Variants in IQGAP2 observed in about 807,000 individuals in gnomAD.
IQGAP2 encodes the protein ras GTPase-activating-like protein IQGAP2.
IQGAP2 carries 173 observed loss-of-function variants against 201.3 expected under a neutral mutation model. That is an observed-to-expected ratio of 0.86 (90% confidence interval 0.76 to 0.98). The LOEUF is 0.98. Among genes scored for constraint, IQGAP2 ranks in the 50% least tolerant of loss-of-function variants. IQGAP2 has a pLI of 0.00. For missense variants in IQGAP2, 1,687 were observed against 1,864.8 expected, an observed-to-expected ratio of 0.90 and a Z score of 1.76; for synonymous variants, 675 against 673.9, an observed-to-expected ratio of 1.00 and a Z score of -0.03.
intron 27 of IQGAP2, 122 bp downstream of exon 27, chr5:76,674,831 C>A: frequency 1.5e-6 from 1 of 688,694 alleles, no homozygotes; most frequent in Non-Finnish European, 2.5e-6. Context: ...ACAAGCATTT[C>A]TTCTACCAGC....
intron 2 of IQGAP2, among the ~76,000 whole-genome samples, chr5:76,546,215 C>T (rs540048497): frequency 6.6e-6 from 1 of 152,236 alleles, no homozygotes; most frequent in South Asian, 2.1e-4. Flanking sequence ...GTGGGCAGAT[C>T]ACTTGAGGTC....
chr5:76,495,665 C>A (rs577969403), intron 2 of IQGAP2, among the ~76,000 whole-genome samples: 35 of 152,276 alleles, frequency 2.3e-4, no homozygotes, highest in African/African-American at 8.2e-4. Context: ...GCAGGAAGCA[C>A]GGTGCTTGCA....
intron 13 of IQGAP2, among the ~76,000 whole-genome samples, chr5:76,626,723 T>C (rs1262872369): frequency 6.6e-6 from 1 of 152,168 alleles, no homozygotes; most frequent in Non-Finnish European, 1.5e-5. Flanking sequence ...CATGGTACCC[T>C]GGGACACCTT....
chr5:76,534,660 G>A lies in IQGAP2; in HGVS notation c.147-27736G>A, dbSNP rs188358631. Reference sequence around the variant, plus strand: ...CTGTTTGGGAATGTTGTGTGTCAGGGATCAGTGAAGGTCATGAAGATGCCT... The same window carrying A: ...CTGTTTGGGAATGTTGTGTGTCAGGAATCAGTGAAGGTCATGAAGATGCCT... On this transcript the variant is annotated intron_variant, in intron 2 of 35. Transcript: ENST00000274364. 1.7e-4 allele frequency among the ~76,000 whole-genome samples: 26 copies of A among 152,248 alleles called. No homozygotes were observed. The East Asian group carries it at 4.6e-3, about 27-fold the overall frequency.
intron 5 of IQGAP2, among the ~76,000 whole-genome samples, chr5:76,586,140 G>A (rs994545690): frequency 6.6e-6 from 1 of 152,168 alleles, no homozygotes; most frequent in East Asian, 1.9e-4. Context: ...GCTGTGTAAA[G>A]TAAACAGTTT....
intron 34 of IQGAP2, among the ~76,000 whole-genome samples, chr5:76,702,271 A>G (rs2307122): frequency 0.33 from 49,474 of 152,116 alleles, 8,190 homozygotes; most frequent in Non-Finnish European, 0.35. Flanking sequence ...TCAGAACTCT[A>G]TGAGCTACAG....
At chr5:76,683,735 A>C (rs1227523520) in intron 29 of IQGAP2, 41 bp from the exon 30 acceptor site, 1 of 1,573,704 alleles carries the variant, frequency 6.4e-7, no homozygotes, top group Non-Finnish European at 8.6e-7. Flanking sequence ...ATCATCACAA[A>C]GAGTGAATTG....
intron 1 of IQGAP2, among the ~76,000 whole-genome samples, chr5:76,449,613 G>C (rs570307533): frequency 6.6e-6 from 1 of 152,302 alleles, no homozygotes; most frequent in South Asian, 2.1e-4. Flanking sequence ...TTAGGATTCT[G>C]AATCTCCATA....
At chr5:76,455,898 G>A (rs1215259378) in intron 1 of IQGAP2, among the ~76,000 whole-genome samples, 3 of 152,132 alleles carry the variant, frequency 2.0e-5, no homozygotes, top group East Asian at 1.9e-4. Context: ...TGTCTAACCC[G>A]AATATCCTCT....
At chr5:76,515,180 C>T (rs542893046) in intron 2 of IQGAP2, among the ~76,000 whole-genome samples, 19 of 152,316 alleles carry the variant, frequency 1.2e-4, no homozygotes, top group Admixed American at 8.5e-4. Context: ...AAGAAGGGCA[C>T]GTACTTATCA....
Position 76,600,867 on chromosome 5 carries a change from C to A in IQGAP2, c.1127C>A (p.Ala376Asp), listed in dbSNP as rs1235472592. 1.2e-6 allele frequency: 2 copies of A among 1,613,996 alleles called. No individual in the cohort carries two copies. The highest frequency in any genetic ancestry group is 1.7e-6 in the Non-Finnish European group (2 of 1,180,008). The stretch of plus-strand genomic sequence containing the variant: ...GCTGTGGAAATGTTGTCTGCTGTTG[C>A]TTTACTAAACCAGGCCTTGGAAAGC... ...LIAVEMLSAV[A>D]LLNQALESND... is the part of the protein sequence containing the mutation. Residue 376 changes from alanine to aspartate, a missense_variant, in exon 11 of 36, where the codon GCT becomes GAT. Physicochemically the swap from Ala to Asp is moderately radical, Grantham distance 126. Transcript: ENST00000274364.
chr5:76,568,015 A>C (rs551440099), intron 3 of IQGAP2, among the ~76,000 whole-genome samples: 1 of 152,344 alleles, frequency 6.6e-6, no homozygotes, highest in South Asian at 2.1e-4. Context: ...TGGAGCGGGA[A>C]GAAAAGACTT....
chr5:76,633,296 A>G (rs192650523), intron 15 of IQGAP2, among the ~76,000 whole-genome samples: 133 of 152,286 alleles, frequency 8.7e-4, no homozygotes, highest in African/African-American at 2.8e-3. Flanking sequence ...TCTGTAGGTA[A>G]ATTTGAGAAG....
At chr5:76,591,714 C>T (rs1746667092) in intron 8 of IQGAP2, among the ~76,000 whole-genome samples, 1 of 152,196 alleles carries the variant, frequency 6.6e-6, no homozygotes, top group African/African-American at 2.4e-5. Context: ...CAAGGTCTGA[C>T]ATGGAATCCC....
chr5:76,598,912 A>T (rs191835416), intron 10 of IQGAP2, among the ~76,000 whole-genome samples: 186 of 152,366 alleles, frequency 1.2e-3, no homozygotes, highest in Non-Finnish European at 1.9e-3. Flanking sequence ...TACTAATATT[A>T]AGTGGGAAAA....
At chr5:76,450,197 A>G in intron 1 of IQGAP2, among the ~76,000 whole-genome samples, 1 of 152,180 alleles carries the variant, frequency 6.6e-6, no homozygotes, top group East Asian at 1.9e-4. Flanking sequence ...TACACTTTCC[A>G]AGTAGTTTAC....
intron 2 of IQGAP2, among the ~76,000 whole-genome samples, chr5:76,495,915 G>A (rs531065816): frequency 4.6e-5 from 7 of 152,262 alleles, no homozygotes; most frequent in South Asian, 2.1e-4. Flanking sequence ...CTCCAACACC[G>A]GGAATCACAT....
rs1383361880 is a variant in IQGAP2 at position 76,609,202 on chromosome 5, A to T, written c.1358-1818A>T. 2.0e-6 allele frequency: 3 copies of T among 1,536,006 alleles called. No individual in the cohort carries two copies. The South Asian group carries it at 3.6e-5, about 18-fold the overall frequency. ...CAGGTGATCGGCCTTGGTTCTGTTA[A>T]GACCATTTTTGGATGGGGTGTTTTA... On this transcript the variant is annotated intron_variant, in intron 12 of 35. Transcript: ENST00000274364.
chr5:76,496,220 T>A (rs868373673), intron 2 of IQGAP2, among the ~76,000 whole-genome samples: 2 of 152,226 alleles, frequency 1.3e-5, no homozygotes, highest in Non-Finnish European at 2.9e-5. Context: ...AATGGTTTCT[T>A]TAGCTCAGAA....
Sources: allele counts gnomAD v4.1 joint callset (sites outside exome capture counted in the v4.1 genomes callset), GRCh38; gene constraint gnomAD v4.1.1; transcripts MANE v1.5; gene names NCBI Gene and HGNC (gene_info 2026-07-23, HGNC 2026-07-21).